The following NCOA1 variants were observed in gnomAD, a reference collection of about 807,000 sequenced individuals.
The protein encoded by NCOA1 is nuclear receptor coactivator 1, also known as Hin-2 protein.
In NCOA1, 35 loss-of-function variants were observed where a neutral mutation model predicts 150.9. The observed-to-expected ratio is 0.23, with a 90% CI of 0.18 to 0.31. NCOA1 has a LOEUF of 0.31. Among genes scored for constraint, NCOA1 ranks in the 10% least tolerant of loss-of-function variants. The probability of loss-of-function intolerance (pLI) is 1.00; values close to 1 mark genes in which losing one functional copy is unlikely to be tolerated. For synonymous variants in NCOA1, 590 were observed against 630.0 expected, an observed-to-expected ratio of 0.94 and a Z score of 0.95; for missense variants, 1,491 against 1,749.3, an observed-to-expected ratio of 0.85 and a Z score of 2.63.
rs371983291 is a variant in NCOA1 at position 24,762,669 on chromosome 2, T to C, written c.4066-18T>C. 3 of 1,603,504 alleles carry C rather than the reference T, an allele frequency of 1.9e-6. No homozygotes were observed. Among genetic ancestry groups the C allele is most frequent in the African/African-American group, 1.3e-5 (1 of 74,672 alleles). On this transcript the variant is annotated intron_variant, in intron 21 of 22. Transcript: ENST00000348332. ...AAACAACTAGCTTGTAATTTGATCT[T>C]GTATTTATCTTTAATAGATAAATGA...
chr2:24,751,442 GC>G (rs1156445957), intron 19 of NCOA1, among the ~76,000 whole-genome samples: 1 of 151,744 alleles, frequency 6.6e-6, no homozygotes, highest in Non-Finnish European at 1.5e-5. Flanking sequence ...AATTAGCCAG[GC>G]CCAGTGGCAG....
chr2:24,709,991 A>G (rs189876217), intron 13 of NCOA1, among the ~76,000 whole-genome samples: 30 of 152,306 alleles, frequency 2.0e-4, no homozygotes, highest in Non-Finnish European at 3.4e-4. Context: ...TAATCATAGT[A>G]TAGCAATATT....
At chr2:24,505,005 A>G (rs564364474) in intron 1 of NCOA1, among the ~76,000 whole-genome samples, 4 of 152,020 alleles carry the variant, frequency 2.6e-5, no homozygotes, top group South Asian at 2.1e-4. Flanking sequence ...GTTAAGGACT[A>G]TTGGGTGGTG....
Position 24,698,374 on chromosome 2 carries a change from G to A in NCOA1, c.949+576G>A, listed in dbSNP as rs140684229. Among the ~76,000 whole-genome samples, 706 of 151,842 alleles carry A rather than the reference G, an allele frequency of 4.6e-3. 3 individuals carry two copies. The highest frequency in any genetic ancestry group is 0.02 in the Middle Eastern group (6 of 294). ...CATGCCTGTTTACTTCATGACTGTT[G>A]CAGAACCTGTATCTCCTGACTCAGG... On this transcript the variant is annotated intron_variant, in intron 11 of 22. Transcript: ENST00000348332.
At chr2:24,561,808 A>T (rs1157373199) in intron 1 of NCOA1, among the ~76,000 whole-genome samples, 2 of 152,242 alleles carry the variant, frequency 1.3e-5, no homozygotes, top group Non-Finnish European at 2.9e-5. Context: ...GAATATTCTT[A>T]TCACAAATTA....
At chr2:24,511,859 A>G (rs570517832) in intron 1 of NCOA1, among the ~76,000 whole-genome samples, 3 of 151,802 alleles carry the variant, frequency 2.0e-5, no homozygotes, top group Non-Finnish European at 4.4e-5. Context: ...TTTAGGTCTG[A>G]TATATTTTTA....
At chr2:24,622,858 T>C (rs975342569) in intron 3 of NCOA1, among the ~76,000 whole-genome samples, 3 of 152,172 alleles carry the variant, frequency 2.0e-5, no homozygotes, top group Non-Finnish European at 4.4e-5. Context: ...TATTGAGGTG[T>C]CACATAAAAG....
chr2:24,534,650 C>G (rs1204521584), intron 1 of NCOA1, among the ~76,000 whole-genome samples: 2 of 152,138 alleles, frequency 1.3e-5, no homozygotes, highest in Non-Finnish European at 2.9e-5. Context: ...GTAGTTGTGT[C>G]TTCGTTCTCA....
intron 1 of NCOA1, among the ~76,000 whole-genome samples, chr2:24,528,494 G>A (rs1275424681): frequency 2.6e-5 from 4 of 151,710 alleles, no homozygotes; most frequent in East Asian, 3.9e-4. Context: ...CCACAGGTGC[G>A]TTCCACCACA....
intron 5 of NCOA1, among the ~76,000 whole-genome samples, chr2:24,661,741 C>T (rs1671193233): frequency 6.6e-6 from 1 of 152,066 alleles, no homozygotes; most frequent in African/African-American, 2.4e-5. Flanking sequence ...AAGTCAAGTT[C>T]CTGTATATAT....
rs1673584555 is a variant in NCOA1, at chr2:24,708,695, C to T, written c.2418+807C>T. On this transcript the variant is annotated intron_variant, in intron 13 of 22. Coordinates refer to ENST00000348332, the MANE Select transcript of NCOA1 (RefSeq NM_003743.5). ...ACAATGTATGTACAAAGCAGTTTATCCACGAGACTCCATTCTAAAGCATGA... is the reference window on the plus strand; with the variant it reads ...ACAATGTATGTACAAAGCAGTTTATTCACGAGACTCCATTCTAAAGCATGA... 1.3e-5 allele frequency among the ~76,000 whole-genome samples: 2 copies of T among 152,126 alleles called. 1 individual carries two copies. Among genetic ancestry groups the T allele is most frequent in the South Asian group, 4.2e-4 (2 of 4,814 alleles).
chr2:24,677,343 CAAAAACAA>C (rs1182911708), intron 7 of NCOA1, among the ~76,000 whole-genome samples: 1 of 151,666 alleles, frequency 6.6e-6, no homozygotes, highest in Admixed American at 6.6e-5. Flanking sequence ...GACCCTGTCT[CAAAAACAA>C]AAAAACAAAC....
intron 13 of NCOA1, among the ~76,000 whole-genome samples, chr2:24,709,680 CT>C (rs1246023770): frequency 6.6e-6 from 1 of 152,126 alleles, no homozygotes; most frequent in Non-Finnish European, 1.5e-5. Flanking sequence ...CAATCTTTTC[CT>C]TTATGGTTAA....
At chr2:24,554,815 CTGTTACTGATTTGATT>C (rs1014863845) in intron 1 of NCOA1, among the ~76,000 whole-genome samples, 1 of 152,118 alleles carries the variant, frequency 6.6e-6, no homozygotes, top group African/African-American at 2.4e-5. Flanking sequence ...TGACGGATGC[CTGTTACTGATTTGATT>C]TGGCTCTAAA....
intron 1 of NCOA1, among the ~76,000 whole-genome samples, chr2:24,507,750 C>G (rs142988626): frequency 6.6e-6 from 1 of 151,990 alleles, no homozygotes; most frequent in African/African-American, 2.4e-5. Flanking sequence ...ATTGTTATTT[C>G]TCTCTTAGGA....
chr2:24,728,420 G>T lies in NCOA1; in HGVS notation c.2830G>T (p.Asp944Tyr). ...EQLVSFLSGKDETELAELDRA... is the reference protein window; with the variant it reads ...EQLVSFLSGKYETELAELDRA... The stretch of plus-strand genomic sequence containing the variant: ...GCTGGTATCCTTCCTTAGTGGCAAA[G>T]ATGAAACTGAGCTAGCTGAACTAGA... The change falls in exon 16 of 23, where the codon GAT becomes TAT. Residue 944 changes from aspartate to tyrosine, a missense_variant. Physicochemically the swap from Asp to Tyr is radical, Grantham distance 160. Coordinates refer to ENST00000348332, the MANE Select transcript of NCOA1 (RefSeq NM_003743.5). 1 of 1,613,974 alleles carries T rather than the reference G, an allele frequency of 6.2e-7. No homozygotes were observed. Among genetic ancestry groups the T allele is most frequent in the Non-Finnish European group, 8.5e-7 (1 of 1,179,920 alleles).
intron 11 of NCOA1, among the ~76,000 whole-genome samples, chr2:24,699,652 AT>A (rs2148578268): frequency 6.6e-6 from 1 of 152,238 alleles, no homozygotes; most frequent in African/African-American, 2.4e-5. Flanking sequence ...TGTTTTGGAG[AT>A]TCTAAACAAC....
chr2:24,576,236 A>G (rs1308799135), intron 2 of NCOA1, among the ~76,000 whole-genome samples: 5 of 141,696 alleles, frequency 3.5e-5, no homozygotes, highest in Non-Finnish European at 7.5e-5. Context: ...CCTTCCACAC[A>G]GGACATATCA....
intron 14 of NCOA1, among the ~76,000 whole-genome samples, chr2:24,712,107 G>A (rs1317369886): frequency 6.6e-6 from 1 of 152,198 alleles, no homozygotes; most frequent in Non-Finnish European, 1.5e-5. Context: ...ATTAGAGGAA[G>A]AGTCAGAAGC....
Sources: gnomAD v4.1 joint callset for allele counts (sites outside exome capture counted in the v4.1 genomes callset) on GRCh38, gnomAD v4.1.1 for gene constraint, MANE v1.5 for transcripts, NCBI Gene and HGNC (gene_info 2026-07-23, HGNC 2026-07-21) for gene names.